The following UNC13C variants were observed in gnomAD, a reference collection of about 807,000 sequenced individuals.
UNC13C encodes unc-13 homolog C, also known as protein unc-13 homolog C.
Under a neutral mutation model 245.4 loss-of-function variants are expected in UNC13C, and 174 were observed. That is an observed-to-expected ratio of 0.71 (90% CI 0.63 to 0.80). UNC13C has a LOEUF of 0.80. Ranked by LOEUF, UNC13C falls within the 30% of genes least tolerant of loss-of-function variation. The probability of loss-of-function intolerance (pLI) is 0.00; values close to 1 mark genes in which losing one functional copy is unlikely to be tolerated. For synonymous variants in UNC13C, 992 were observed against 895.1 expected, an observed-to-expected ratio of 1.11 and a Z score of -1.93; for missense variants, 2,829 against 2,602.9, an observed-to-expected ratio of 1.09 and a Z score of -1.89.
chr15:54,172,483 A>C (rs1372808816), intron 4 of UNC13C, among the ~76,000 whole-genome samples: 1 of 151,562 alleles, frequency 6.6e-6, no homozygotes, highest in Non-Finnish European at 1.5e-5. Flanking sequence ...TTAGCTCAGC[A>C]TAACGTGGTT....
chr15:54,459,473 A>T (rs1183058155), intron 19 of UNC13C, among the ~76,000 whole-genome samples: 3 of 152,176 alleles, frequency 2.0e-5, no homozygotes, highest in Non-Finnish European at 4.4e-5. Context: ...ATCATTGATT[A>T]TTCCCTCAAA....
Position 54,250,442 on chromosome 15 carries a change from A to G in UNC13C, c.3446A>G (p.Gln1149Arg), listed in dbSNP as rs2140864704. ...GACCTGCTAAACGCTGACTGCTTGC[A>G]GAGTGAGTACTTGGTTTGGCTGAAA... The part of the protein sequence containing the change: ...CQDLLNADCL[Q>R]RAAEKSSKHG... The change falls in exon 8 of 33, where the codon CAG (glutamine) becomes CGG (arginine). Residue 1149 changes from glutamine to arginine, a missense_variant and splice_region_variant. Coordinates refer to ENST00000260323, the MANE Select transcript of UNC13C (RefSeq NM_001080534.3). The G allele has an allele frequency of 6.2e-7, 1 of 1,604,434 alleles. No homozygotes were observed. Among genetic ancestry groups the G allele is most frequent in the Middle Eastern group, 1.7e-4 (1 of 5,948 alleles).
intron 14 of UNC13C, 106 bp downstream of exon 14, chr15:54,322,201 A>G (rs768660971): frequency 4.4e-6 from 5 of 1,126,694 alleles, no homozygotes; most frequent in Non-Finnish European, 6.1e-6. Context: ...CAGAAAGGAC[A>G]TTTTAGGGAA....
At chr15:53,879,533 G>C in the UNC13C span, among the ~76,000 whole-genome samples, 1 of 152,032 alleles carries the variant, frequency 6.6e-6, no homozygotes. Flanking sequence ...ATAGGAACTT[G>C]GTGCTTGCAG....
chr15:53,910,516 C>T, the UNC13C span, among the ~76,000 whole-genome samples: 1 of 146,786 alleles, frequency 6.8e-6, no homozygotes, highest in African/African-American at 2.4e-5. Flanking sequence ...CGGCTCAGCT[C>T]AACATGGCTT....
intron 24 of UNC13C, among the ~76,000 whole-genome samples, chr15:54,524,720 T>C (rs1264972674): frequency 6.6e-6 from 1 of 152,146 alleles, no homozygotes; most frequent in East Asian, 1.9e-4. Flanking sequence ...TAGATTCTCT[T>C]ACTTATACTA....
intron 2 of UNC13C, among the ~76,000 whole-genome samples, chr15:54,034,051 C>A (rs538407296): frequency 6.6e-6 from 1 of 152,182 alleles, no homozygotes; most frequent in Non-Finnish European, 1.5e-5. Context: ...ATCCATTCTG[C>A]GAGCTTTTGT....
At chr15:54,228,361 G>T (rs1462930086) in intron 4 of UNC13C, among the ~76,000 whole-genome samples, 2 of 152,040 alleles carry the variant, frequency 1.3e-5, no homozygotes, top group Non-Finnish European at 2.9e-5. Context: ...GGCCAAGCTG[G>T]TACCTAAGCT....
the UNC13C span, among the ~76,000 whole-genome samples, chr15:53,853,314 C>A: frequency 5.9e-5 from 9 of 152,064 alleles, no homozygotes; most frequent in Non-Finnish European, 1.2e-4. Context: ...ACCACCCATG[C>A]AGATCAAAAG....
intron 2 of UNC13C, among the ~76,000 whole-genome samples, chr15:54,108,226 G>A (rs754191670): frequency 1.3e-5 from 2 of 151,762 alleles, no homozygotes; most frequent in East Asian, 1.9e-4. Context: ...TCGCTCTGTC[G>A]CCCAGGCTGG....
At chr15:54,464,685 CA>C (rs1469562282) in intron 19 of UNC13C, among the ~76,000 whole-genome samples, 1 of 152,080 alleles carries the variant, frequency 6.6e-6, no homozygotes, top group Non-Finnish European at 1.5e-5. Flanking sequence ...TTCCCGATAG[CA>C]GTCACATACA....
chr15:54,272,416 C>G (rs2036710587), intron 10 of UNC13C, among the ~76,000 whole-genome samples: 1 of 152,138 alleles, frequency 6.6e-6, no homozygotes, highest in South Asian at 2.1e-4. Flanking sequence ...ACAGCCTGAA[C>G]ATAATCATGC....
At chr15:54,443,190 T>G (rs922088133) in intron 19 of UNC13C, among the ~76,000 whole-genome samples, 2 of 152,140 alleles carry the variant, frequency 1.3e-5, no homozygotes, top group Non-Finnish European at 2.9e-5. Context: ...GTTTTCCAGT[T>G]TGTTAGCATA....
chr15:54,069,391 T>C (rs1337164389), intron 2 of UNC13C, among the ~76,000 whole-genome samples: 1 of 152,194 alleles, frequency 6.6e-6, no homozygotes, highest in Non-Finnish European at 1.5e-5. Context: ...CCTATAAGGA[T>C]AGACATTCAT....
intron 2 of UNC13C, among the ~76,000 whole-genome samples, chr15:54,119,145 G>C (rs903159454): frequency 1.3e-4 from 19 of 151,396 alleles, no homozygotes; most frequent in African/African-American, 4.6e-4. Context: ...GCTTTTCTTT[G>C]ATCGGAGACT....
the UNC13C span, among the ~76,000 whole-genome samples, chr15:53,958,924 T>C: frequency 6.6e-6 from 1 of 152,196 alleles, no homozygotes; most frequent in Non-Finnish European, 1.5e-5. Context: ...ATGTATCCAT[T>C]AAGCAACCTC....
chr15:54,586,283 A>C (rs1165662480), intron 30 of UNC13C, among the ~76,000 whole-genome samples: 4 of 152,252 alleles, frequency 2.6e-5, no homozygotes, highest in Non-Finnish European at 5.9e-5. Context: ...TAGGCTTCTT[A>C]ACAAAATACT....
chr15:54,227,553 G>T (rs1269449314), intron 4 of UNC13C, among the ~76,000 whole-genome samples: 2 of 152,194 alleles, frequency 1.3e-5, no homozygotes, highest in Non-Finnish European at 2.9e-5. Flanking sequence ...AGACCGAGGG[G>T]GCAGGGGGGT....
In UNC13C at chr15:54,233,417, G is replaced by T. The variant is rs549203590; in HGVS notation, c.3072-1613G>T. On this transcript the variant is annotated intron_variant, in intron 4 of 32. Coordinates refer to ENST00000260323, the MANE Select transcript of UNC13C (RefSeq NM_001080534.3). ...AAGTGCACGACTCTGAAAATAATTT[G>T]CTCATCCTTGACATCTTTCTTACAC... 2.3e-3 allele frequency among the ~76,000 whole-genome samples: 354 copies of T among 152,188 alleles called. 1 individual carries two copies. The highest frequency in any genetic ancestry group is 8.1e-3 in the African/African-American group (338 of 41,518).
Sources: gnomAD v4.1 joint callset for allele counts (sites outside exome capture counted in the v4.1 genomes callset) on GRCh38, gnomAD v4.1.1 for gene constraint, MANE v1.5 for transcripts, NCBI Gene and HGNC (gene_info 2026-07-23, HGNC 2026-07-21) for gene names.